HDX: variants seen among roughly 807,000 people sequenced by gnomAD.
HDX encodes chromosome X open reading frame 43.
In HDX, 19 loss-of-function variants were observed where a neutral mutation model predicts 45.2. The ratio of observed to expected loss-of-function variants is 0.42; its 90% CI spans 0.29 to 0.62. HDX has a LOEUF of 0.62. HDX is among the 20% of genes least tolerant of loss of function. The pLI is 0.20. For synonymous variants in HDX, 188 were observed against 172.8 expected (o/e 1.09, Z -0.69); for missense variants, 532 against 493.9 (o/e 1.08, Z -0.73).
Position 84,321,564 on chromosome X carries a change from A to G in HDX, c.*325T>C, listed in dbSNP as rs1239669869. On this transcript the variant is annotated 3_prime_UTR_variant, in exon 11 of 11. Transcript: ENST00000373177. The stretch of plus-strand genomic sequence containing the variant: ...ATCAAGCTGTAGCAACTTGATAAGC[A>G]ATGCTGAAATGTCTTTAGTTATTTT... The G allele has an allele frequency of 8.1e-6, 1 of 123,398 alleles. No individual in the cohort carries two copies. The highest frequency in any genetic ancestry group is 1.6e-5 in the Non-Finnish European group (1 of 60,947). The allele number at this position is 123,398 out of a possible 1,213,427, so 10.2% of individuals were successfully genotyped here.
At chrX:84,430,062 A>G (rs1388754529) in intron 5 of HDX, among the ~76,000 whole-genome samples, 1 of 110,339 alleles carries the variant, frequency 9.1e-6, no homozygotes, top group Non-Finnish European at 1.9e-5. Context: ...ATTTGATACT[A>G]ATAACTAATT....
chrX:84,377,434 GA>G (rs1174129919), intron 5 of HDX, among the ~76,000 whole-genome samples: 1 of 111,718 alleles, frequency 9.0e-6, no homozygotes, highest in Non-Finnish European at 1.9e-5. Flanking sequence ...TGGAGAAGCA[GA>G]GATATGTTAC....
chrX:84,424,928 G>A (rs1226392345), intron 5 of HDX, among the ~76,000 whole-genome samples: 3 of 108,444 alleles, frequency 2.8e-5, no homozygotes, highest in African/African-American at 6.6e-5. Context: ...GAGCAATACC[G>A]CACAAGGGGA....
intron 1 of HDX, among the ~76,000 whole-genome samples, chrX:84,497,423 T>C (rs1293497066): frequency 9.0e-6 from 1 of 111,628 alleles, no homozygotes; most frequent in African/African-American, 3.3e-5. Flanking sequence ...AGAAAAGTTA[T>C]ATAATAATAT....
At chrX:84,412,887 G>A (rs952533730) in intron 5 of HDX, among the ~76,000 whole-genome samples, 1 of 111,512 alleles carries the variant, frequency 9.0e-6, no homozygotes, top group African/African-American at 3.3e-5. Context: ...GCGATTATTC[G>A]GGGAACCTGT....
intron 2 of HDX, among the ~76,000 whole-genome samples, chrX:84,476,850 G>C (rs909079392): frequency 3.6e-5 from 4 of 111,693 alleles, no homozygotes; most frequent in Non-Finnish European, 7.5e-5. Flanking sequence ...CCTATCTAAT[G>C]TTAAGAGATC....
At chrX:84,371,254 A>G (rs1461315235) in intron 5 of HDX, among the ~76,000 whole-genome samples, 4 of 111,951 alleles carry the variant, frequency 3.6e-5, no homozygotes, top group Admixed American at 1.9e-4. Context: ...GCTTATTTTC[A>G]TTATGTTAAA....
At chrX:84,445,325 T>C (rs1438983970) in intron 4 of HDX, among the ~76,000 whole-genome samples, 1 of 111,611 alleles carries the variant, frequency 9.0e-6, no homozygotes, top group Non-Finnish European at 1.9e-5. Context: ...AGTAAGAGAC[T>C]CATAAATCAG....
At chrX:84,350,399 T>C (rs1041697322) in intron 6 of HDX, among the ~76,000 whole-genome samples, 8 of 111,368 alleles carry the variant, frequency 7.2e-5, no homozygotes, top group African/African-American at 2.3e-4. Context: ...GTAATAACTG[T>C]AGCAGCTGTT....
At chrX:84,461,379 T>C (rs2040234111) in intron 4 of HDX, among the ~76,000 whole-genome samples, 1 of 110,609 alleles carries the variant, frequency 9.0e-6, no homozygotes, top group Non-Finnish European at 1.9e-5. Context: ...ACATCTACAG[T>C]GAACTCATGC....
chrX:84,442,666 T>C (rs2039787099), intron 4 of HDX, among the ~76,000 whole-genome samples: 1 of 110,927 alleles, frequency 9.0e-6, no homozygotes, highest in Admixed American at 9.7e-5. Context: ...TGAAAATTCA[T>C]TGTTAGCCTC....
intron 5 of HDX, among the ~76,000 whole-genome samples, chrX:84,409,825 A>G (rs140410819): frequency 0.11 from 11,670 of 107,249 alleles, 618 homozygotes; most frequent in South Asian, 0.26. Context: ...ATACATAGGT[A>G]ACAAACCTGC....
chrX:84,405,646 C>CTATA (rs368481208), intron 5 of HDX, among the ~76,000 whole-genome samples: 70 of 78,539 alleles, frequency 8.9e-4, no homozygotes, highest in African/African-American at 3.0e-3. Flanking sequence ...GCCTCACAAG[C>CTATA]TATATATATA....
chrX:84,490,799 T>G (rs760376449), intron 1 of HDX, among the ~76,000 whole-genome samples: 1 of 111,365 alleles, frequency 9.0e-6, no homozygotes, highest in Admixed American at 9.6e-5. Context: ...TTTATATTGC[T>G]TTTTTTATAT....
chrX:84,494,033 A>G (rs1478123321), intron 1 of HDX, among the ~76,000 whole-genome samples: 4 of 111,451 alleles, frequency 3.6e-5, no homozygotes, highest in African/African-American at 9.8e-5. Flanking sequence ...AAATACTAAA[A>G]AAAAGTAAAA....
chrX:84,461,095 T>C (rs781720887), intron 4 of HDX, among the ~76,000 whole-genome samples: 3 of 111,559 alleles, frequency 2.7e-5, no homozygotes, highest in Non-Finnish European at 5.7e-5. Flanking sequence ...GTGTCTATAC[T>C]ATGTAAAGCA....
At chrX:84,417,218 G>GAGAAAGAAGAAAGAA (rs1556012087) in intron 5 of HDX, among the ~76,000 whole-genome samples, 2 of 100,251 alleles carry the variant, frequency 2.0e-5, no homozygotes, top group African/African-American at 7.3e-5. Flanking sequence ...AAAAAAAAGA[G>GAGAAAGAAGAAAGAA]AGAAAGAAAG....
At chrX:84,450,262 A>C (rs1018430037) in intron 4 of HDX, among the ~76,000 whole-genome samples, 1 of 110,875 alleles carries the variant, frequency 9.0e-6, no homozygotes, top group Admixed American at 9.6e-5. Flanking sequence ...GGACAACAAC[A>C]AAAAAAACCA....
chrX:84,389,873 T>C (rs910986603), intron 5 of HDX, among the ~76,000 whole-genome samples: 5 of 110,970 alleles, frequency 4.5e-5, no homozygotes, highest in Non-Finnish European at 7.6e-5. Context: ...CTCACATGTC[T>C]GTCGGGAATG....
Sources: gnomAD v4.1 joint callset for allele counts (sites outside exome capture counted in the v4.1 genomes callset) on GRCh38, gnomAD v4.1.1 for gene constraint, MANE v1.5 for transcripts, NCBI Gene and HGNC (gene_info 2026-07-23, HGNC 2026-07-21) for gene names.